The following DPP6 variants were observed in gnomAD, a reference collection of about 807,000 sequenced individuals.
DPP6 encodes dipeptidyl peptidase like 6.
In DPP6, 69 loss-of-function variants were observed where a neutral mutation model predicts 122.6. That is an observed-to-expected ratio of 0.56 (90% CI 0.46 to 0.69). DPP6 has a LOEUF of 0.69. Ranked by LOEUF, DPP6 falls within the 30% of genes least tolerant of loss-of-function variation. The pLI is 0.00. For missense variants in DPP6, 928 were observed against 1,116.9 expected, an observed-to-expected ratio of 0.83 and a Z score of 2.41; for synonymous variants, 418 against 433.1, an observed-to-expected ratio of 0.97 and a Z score of 0.43.
intron 17 of DPP6, among the ~76,000 whole-genome samples, chr7:154,859,769 A>T (rs1803192249): frequency 6.6e-6 from 1 of 152,248 alleles, no homozygotes; most frequent in African/African-American, 2.4e-5. Flanking sequence ...AAAAACCAAC[A>T]AAATCATAGT....
At chr7:153,810,671 C>CTCCTCTCT in the DPP6 span, among the ~76,000 whole-genome samples, 1 of 124,632 alleles carries the variant, frequency 8.0e-6, no homozygotes, top group African/African-American at 3.3e-5. Context: ...CTCTCTCTCT[C>CTCCTCTCT]CTCTCTCTCT....
chr7:154,258,145 G>GGAGGC (rs1802776031), intron 1 of DPP6, among the ~76,000 whole-genome samples: 1 of 135,776 alleles, frequency 7.4e-6, no homozygotes, highest in Admixed American at 7.4e-5. Flanking sequence ...CGAGGGGAGG[G>GGAGGC]GAGGCGAGGG....
chr7:154,364,401 A>G lies in DPP6; in HGVS notation c.244-81813A>G, dbSNP rs530797088. Among the ~76,000 whole-genome samples the G allele has an allele frequency of 2.6e-5, 4 of 152,310 alleles. No homozygotes were observed. The East Asian group carries it at 7.7e-4, about 29-fold the overall frequency. On this transcript the variant is annotated intron_variant, in intron 1 of 25. Coordinates refer to ENST00000377770, the MANE Select transcript of DPP6 (RefSeq NM_130797.4). ...AGAAACCGACCTGCCAGCCCAGCTC[A>G]TCTCCTTGTTTCTTGAATTACCCAG...
At chr7:153,801,964 C>T in the DPP6 span, among the ~76,000 whole-genome samples, 30 of 152,202 alleles carry the variant, frequency 2.0e-4, 1 homozygote, top group Non-Finnish European at 3.4e-4. Context: ...TTGATCTCCT[C>T]ATGTCTCAAA....
chr7:154,460,212 C>A (rs1821174955), intron 2 of DPP6, among the ~76,000 whole-genome samples: 1 of 152,144 alleles, frequency 6.6e-6, no homozygotes, highest in Non-Finnish European at 1.5e-5. Flanking sequence ...GAACTCCTGA[C>A]CTCAGGTGAT....
At chr7:154,185,213 T>C (rs10272306) in intron 1 of DPP6, among the ~76,000 whole-genome samples, 54,342 of 152,066 alleles carry the variant, frequency 0.36, 10,196 homozygotes, top group African/African-American at 0.47. Flanking sequence ...CATAATCCTG[T>C]GTAATGAGAA....
chr7:154,739,195 G>A (rs923587383), intron 8 of DPP6, among the ~76,000 whole-genome samples: 1 of 152,208 alleles, frequency 6.6e-6, no homozygotes, highest in African/African-American at 2.4e-5. Flanking sequence ...GTTCCAGGAA[G>A]TAGCACTGAG....
At chr7:154,621,771 C>T (rs994808853) in intron 5 of DPP6, among the ~76,000 whole-genome samples, 2 of 152,098 alleles carry the variant, frequency 1.3e-5, no homozygotes, top group African/African-American at 4.8e-5. Context: ...CTCCTCATGC[C>T]TACCGTTTAT....
In DPP6 at chr7:154,624,326, TAA is replaced by T. The variant is rs34931013; in HGVS notation, c.628-13480_628-13479del. On this transcript the variant is annotated intron_variant, in intron 5 of 25. Transcript: ENST00000377770. The surrounding 1 kb of genome is among the most constrained non-coding windows in gnomAD (Gnocchi z 4.7). ...AGGGCGACAGAGTGAGACTCCATCT[TAA>T]AAAAAAAAAAAAAATCAGCTTGGTG... 2.1e-5 allele frequency among the ~76,000 whole-genome samples: 3 copies of T among 139,960 alleles called. No individual in the cohort carries two copies. Among genetic ancestry groups the T allele is most frequent in the Non-Finnish European group, 3.1e-5 (2 of 65,316 alleles). The allele number at this position is 139,960 out of a possible 152,430, so 91.8% of individuals were successfully genotyped here. A position where few individuals can be genotyped will look rare whatever the true frequency, so the allele number is the denominator to read the frequency against.
intron 1 of DPP6, among the ~76,000 whole-genome samples, chr7:154,328,037 T>C (rs1368045304): frequency 2.6e-5 from 4 of 152,196 alleles, no homozygotes; most frequent in Non-Finnish European, 5.9e-5. Flanking sequence ...GAGGTGGTTG[T>C]TATTCATGCT....
rs765649428 is a variant in DPP6 at position 154,794,209 on chromosome 7, G to T, written c.1260+7G>T. On this transcript the variant is annotated splice_region_variant and intron_variant, in intron 11 of 25. Transcript: ENST00000377770. ...CACGGGGGTCTGCACGAAGGTACGC[G>T]GGGCTGTGGGGGTGGAGGGGAGACG... is the stretch of plus-strand genomic sequence containing the variant. The T allele has an allele frequency of 3.1e-6, 5 of 1,600,500 alleles. No individual in the cohort carries two copies. Among genetic ancestry groups the T allele is most frequent in the Middle Eastern group, 1.7e-4 (1 of 6,034 alleles).
chr7:154,762,965 G>A (rs1014203183), intron 8 of DPP6, among the ~76,000 whole-genome samples: 1 of 152,238 alleles, frequency 6.6e-6, no homozygotes, highest in African/African-American at 2.4e-5. Context: ...TGCTTTAACA[G>A]CAAGAGAAGG....
chr7:153,815,474 C>A, the DPP6 span, among the ~76,000 whole-genome samples: 7 of 152,000 alleles, frequency 4.6e-5, no homozygotes, highest in African/African-American at 1.4e-4. Context: ...CCCATTAACT[C>A]GTCATTTAGC....
At chr7:154,132,474 C>T (rs1209883740) in intron 1 of DPP6, among the ~76,000 whole-genome samples, 1 of 152,092 alleles carries the variant, frequency 6.6e-6, no homozygotes, top group African/African-American at 2.4e-5. Context: ...CTCATTTACC[C>T]CATTATCTGT....
At chr7:154,883,125 A>C (rs115801406) in intron 21 of DPP6, among the ~76,000 whole-genome samples, 7,131 of 150,886 alleles carry the variant, frequency 0.047, 425 homozygotes, top group Admixed American at 0.17. Flanking sequence ...ATGTGCTCAC[A>C]CATACACACA....
chr7:154,594,614 T>C (rs2130745900), intron 5 of DPP6, among the ~76,000 whole-genome samples: 1 of 152,316 alleles, frequency 6.6e-6, no homozygotes, highest in South Asian at 2.1e-4. Context: ...CTTATGTTTT[T>C]ATTTAACTTC....
chr7:154,262,211 T>C (rs1206827898), intron 1 of DPP6, among the ~76,000 whole-genome samples: 1 of 152,186 alleles, frequency 6.6e-6, no homozygotes, highest in Non-Finnish European at 1.5e-5. Flanking sequence ...TGTGGATGAC[T>C]GGGAGGGCGG....
At chr7:154,261,517 A>G (rs1803016043) in intron 1 of DPP6, among the ~76,000 whole-genome samples, 1 of 152,218 alleles carries the variant, frequency 6.6e-6, no homozygotes, top group Admixed American at 6.5e-5. Context: ...AGTAAGTGCA[A>G]TAAAAACAAA....
chr7:154,614,079 C>G (rs200670551), intron 5 of DPP6, among the ~76,000 whole-genome samples: 1 of 152,200 alleles, frequency 6.6e-6, no homozygotes, highest in Non-Finnish European at 1.5e-5. Context: ...CCCCACCTTG[C>G]CCATCCACAG....
Sources: gnomAD v4.1 joint callset for allele counts (sites outside exome capture counted in the v4.1 genomes callset) on GRCh38, gnomAD v4.1.1 for gene constraint, Gnocchi (gnomAD v3.1) non-coding constraint, MANE v1.5 for transcripts, NCBI Gene and HGNC (gene_info 2026-07-23, HGNC 2026-07-21) for gene names.